Variants in KDM4C observed in about 807,000 individuals in gnomAD.
KDM4C encodes lysine-specific demethylase 4C.
In KDM4C, 81 loss-of-function variants were observed where a neutral mutation model predicts 129.3. The observed-to-expected ratio is 0.63, with a 90% CI of 0.52 to 0.75. KDM4C has a LOEUF of 0.75. Among genes scored for constraint, KDM4C ranks in the 30% least tolerant of loss-of-function variants. The probability of loss-of-function intolerance (pLI) is 0.00; values close to 1 mark genes in which losing one functional copy is unlikely to be tolerated. For missense variants in KDM4C, 1,457 were observed against 1,304.0 expected, an observed-to-expected ratio of 1.12 and a Z score of -1.81; for synonymous variants, 573 against 456.1, an observed-to-expected ratio of 1.26 and a Z score of -3.26.
At chr9:6,757,776 C>T (rs1436001653), upstream of KDM4C, 5 of 985,474 alleles carry the variant, frequency 5.1e-6, no homozygotes, top group Non-Finnish European at 4.8e-6. Flanking sequence ...AGTATCTTTC[C>T]CCTCCGGAAA....
intron 6 of KDM4C, among the ~76,000 whole-genome samples, chr9:6,881,726 T>C (rs1453121443): frequency 1.3e-5 from 2 of 152,194 alleles, no homozygotes; most frequent in African/African-American, 2.4e-5. Flanking sequence ...GAACTTGAAA[T>C]CAGTTGCCTG....
At chr9:6,765,516 T>C (rs1820434751) in intron 1 of KDM4C, among the ~76,000 whole-genome samples, 1 of 152,190 alleles carries the variant, frequency 6.6e-6, no homozygotes, top group Admixed American at 6.5e-5. Flanking sequence ...TTCTACACTG[T>C]AAAGATTCTA....
At chr9:6,768,420 AT>A (rs1313234037) in intron 1 of KDM4C, among the ~76,000 whole-genome samples, 1 of 150,810 alleles carries the variant, frequency 6.6e-6, no homozygotes, top group Non-Finnish European at 1.5e-5. Flanking sequence ...GTGTGTTTAC[AT>A]TTTTTTACAC....
At chr9:6,736,297 G>A (rs1817525814) in intron 1 of KDM4C, among the ~76,000 whole-genome samples, 1 of 152,190 alleles carries the variant, frequency 6.6e-6, no homozygotes. Flanking sequence ...ATTTGCATAA[G>A]TAATGAGGAG....
chr9:6,802,378 G>C (rs901746338), intron 2 of KDM4C, among the ~76,000 whole-genome samples: 1 of 152,146 alleles, frequency 6.6e-6, no homozygotes, highest in Non-Finnish European at 1.5e-5. Flanking sequence ...CGTATCCTAT[G>C]TGTCAGTAAT....
At chr9:7,146,270 T>C (rs1842207131) in intron 19 of KDM4C, among the ~76,000 whole-genome samples, 1 of 152,228 alleles carries the variant, frequency 6.6e-6, no homozygotes, top group East Asian at 1.9e-4. Flanking sequence ...CATAGGTGAT[T>C]ATGATTTTCA....
chr9:6,926,391 G>C (rs1313086486), intron 8 of KDM4C, among the ~76,000 whole-genome samples: 8 of 131,260 alleles, frequency 6.1e-5, no homozygotes, highest in Non-Finnish European at 1.4e-4. Flanking sequence ...GGACACATGA[G>C]GTGAAAAGTG....
At chr9:7,098,045 A>G (rs1836654101) in intron 17 of KDM4C, among the ~76,000 whole-genome samples, 1 of 152,266 alleles carries the variant, frequency 6.6e-6, no homozygotes, top group Non-Finnish European at 1.5e-5. Flanking sequence ...AAAATAAAAC[A>G]AAGTATGACT....
chr9:7,048,929 A>G (rs1023572502), intron 16 of KDM4C, among the ~76,000 whole-genome samples, 163 bp from the exon 17 acceptor site: 4 of 152,074 alleles, frequency 2.6e-5, no homozygotes, highest in African/African-American at 9.7e-5. Flanking sequence ...CTGTCCAGGT[A>G]TCATTCAGGA....
At chr9:6,771,537 C>T (rs1052868330) in intron 1 of KDM4C, among the ~76,000 whole-genome samples, 2 of 151,536 alleles carry the variant, frequency 1.3e-5, no homozygotes, top group African/African-American at 4.9e-5. Context: ...TCTCGAACTC[C>T]TGACCTCAGG....
intron 1 of KDM4C, among the ~76,000 whole-genome samples, chr9:6,750,156 C>T (rs952531761): frequency 3.3e-5 from 5 of 151,802 alleles, no homozygotes; most frequent in African/African-American, 4.8e-5. Flanking sequence ...GACAGCTCTT[C>T]ATGGCCAGGC....
chr9:6,744,544 A>T (rs1817814979), intron 1 of KDM4C, among the ~76,000 whole-genome samples: 2 of 152,022 alleles, frequency 1.3e-5, no homozygotes, highest in African/African-American at 2.4e-5. Context: ...AAAAGAAAAA[A>T]CTAGTAACAG....
intron 10 of KDM4C, 38 bp downstream of exon 10, chr9:6,984,442 T>A: frequency 7.5e-7 from 1 of 1,342,088 alleles, no homozygotes; most frequent in Non-Finnish European, 1.1e-6. Flanking sequence ...ATATAAGTAG[T>A]AGGTGGTTGA....
chr9:6,806,694 A>G (rs963466451), intron 3 of KDM4C, among the ~76,000 whole-genome samples: 1 of 151,970 alleles, frequency 6.6e-6, no homozygotes, highest in East Asian at 1.9e-4. Context: ...CTCTTACAAG[A>G]GTGCTCCCCT....
At chr9:6,939,976 A>ACCTTTCTT (rs1825581494) in intron 8 of KDM4C, among the ~76,000 whole-genome samples, 1 of 93,480 alleles carries the variant, frequency 1.1e-5, no homozygotes, top group African/African-American at 4.1e-5. Context: ...CTACCTACCT[A>ACCTTTCTT]CCTTCCTTCC....
intron 4 of KDM4C, among the ~76,000 whole-genome samples, chr9:6,833,596 T>G (rs542061068): frequency 2.0e-5 from 3 of 152,282 alleles, no homozygotes; most frequent in African/African-American, 7.2e-5. Flanking sequence ...GTCCCCTCAT[T>G]TATAAAACAG....
chr9:7,047,033 C>A, intron 16 of KDM4C, 116 bp downstream of exon 16: 1 of 725,854 alleles, frequency 1.4e-6, no homozygotes, highest in South Asian at 1.8e-5. Context: ...GCTTTTGCTG[C>A]TCAGATCTGA....
chr9:7,139,888 A>G (rs1182835042), intron 19 of KDM4C, among the ~76,000 whole-genome samples: 1 of 152,190 alleles, frequency 6.6e-6, no homozygotes, highest in Non-Finnish European at 1.5e-5. Flanking sequence ...GGAGAGACTG[A>G]GGCAAGTTTT....
At chr9:7,144,472 T>A (rs1842042123) in intron 19 of KDM4C, among the ~76,000 whole-genome samples, 2 of 152,240 alleles carry the variant, frequency 1.3e-5, no homozygotes, top group South Asian at 4.1e-4. Flanking sequence ...TGGGGACTTG[T>A]GACTGTGCAA....
Sources: allele counts gnomAD v4.1 joint callset (sites outside exome capture counted in the v4.1 genomes callset), GRCh38; gene constraint gnomAD v4.1.1; transcripts MANE v1.5; gene names NCBI Gene and HGNC (gene_info 2026-07-23, HGNC 2026-07-21).